Variants in TMTC2 observed in about 807,000 individuals in gnomAD.
TMTC2 encodes the protein transmembrane O-mannosyltransferase targeting cadherins 2.
A neutral mutation model predicts 82.4 loss-of-function variants in TMTC2; 43 were observed. That is an observed-to-expected ratio of 0.52 (90% CI 0.41 to 0.67). The LOEUF (loss-of-function observed/expected upper bound fraction) is 0.67, where lower values mean the gene tolerates loss of function less well. TMTC2 is among the 30% of genes least tolerant of loss of function. The pLI is 0.00. For synonymous variants in TMTC2, 408 were observed against 381.9 expected, an observed-to-expected ratio of 1.07 and a Z score of -0.80; for missense variants, 919 against 1,012.4, an observed-to-expected ratio of 0.91 and a Z score of 1.25.
intron 9 of TMTC2, among the ~76,000 whole-genome samples, chr12:83,040,710 G>T (rs1422345523): frequency 1.3e-5 from 2 of 148,428 alleles, no homozygotes; most frequent in South Asian, 2.1e-4. Context: ...TTTTGAGACG[G>T]AGTCTCGCTC....
At chr12:83,004,419 A>G (rs979597632) in intron 8 of TMTC2, among the ~76,000 whole-genome samples, 1 of 152,302 alleles carries the variant, frequency 6.6e-6, no homozygotes, top group Non-Finnish European at 1.5e-5. Context: ...ATTTCTGGGA[A>G]ACTAGTGAGA....
At chr12:82,828,287 C>G (rs1402882374) in intron 1 of TMTC2, among the ~76,000 whole-genome samples, 3 of 148,518 alleles carry the variant, frequency 2.0e-5, no homozygotes, top group Non-Finnish European at 4.4e-5. Context: ...GATCTCGGCT[C>G]ACTGCAACCT....
chr12:83,114,355 C>T (rs190851733), intron 11 of TMTC2, among the ~76,000 whole-genome samples: 33 of 152,284 alleles, frequency 2.2e-4, no homozygotes, highest in Admixed American at 1.1e-3. Flanking sequence ...AGAAGATCCT[C>T]ACCAAGAACC....
intron 4 of TMTC2, among the ~76,000 whole-genome samples, chr12:82,945,476 C>T (rs1168991826): frequency 6.6e-6 from 1 of 152,150 alleles, no homozygotes; most frequent in African/African-American, 2.4e-5. Flanking sequence ...TAATCACATC[C>T]TGTTTTAATG....
At chr12:83,115,816 G>A (rs1268228526) in intron 11 of TMTC2, among the ~76,000 whole-genome samples, 1 of 151,958 alleles carries the variant, frequency 6.6e-6, no homozygotes, top group African/African-American at 2.4e-5. Context: ...TTTGAGACAA[G>A]TCTCAGTGTT....
chr12:82,796,651 T>A (rs1159684293), intron 1 of TMTC2, among the ~76,000 whole-genome samples: 1 of 152,126 alleles, frequency 6.6e-6, no homozygotes, highest in Non-Finnish European at 1.5e-5. Flanking sequence ...TTGTTCTAAG[T>A]GACAGCCTCC....
intron 2 of TMTC2, among the ~76,000 whole-genome samples, chr12:82,870,021 A>G (rs1565785985): frequency 1.3e-5 from 2 of 152,284 alleles, no homozygotes; most frequent in South Asian, 2.1e-4. Context: ...AAATTAGTTT[A>G]TGGACATTTT....
chr12:82,951,316 G>T (rs1284578963), intron 4 of TMTC2, among the ~76,000 whole-genome samples: 2 of 151,528 alleles, frequency 1.3e-5, no homozygotes, highest in Non-Finnish European at 2.9e-5. Context: ...TTTTGAAATG[G>T]AGTCTCGCTC....
chr12:83,127,937 T>C (rs530277180), intron 11 of TMTC2, among the ~76,000 whole-genome samples: 2 of 152,296 alleles, frequency 1.3e-5, no homozygotes, highest in South Asian at 4.1e-4. Context: ...TATATCATTT[T>C]CTGTTTCAGT....
intron 7 of TMTC2, among the ~76,000 whole-genome samples, chr12:82,969,152 C>G (rs1317202517): frequency 6.6e-6 from 1 of 152,158 alleles, no homozygotes; most frequent in African/African-American, 2.4e-5. Context: ...AGGAGATAAG[C>G]TGCCCTATCA....
intron 1 of TMTC2, among the ~76,000 whole-genome samples, chr12:82,695,981 C>T (rs2136890378): frequency 6.6e-6 from 1 of 152,292 alleles, no homozygotes; most frequent in Middle Eastern, 3.4e-3. Context: ...TGTAAAATGT[C>T]TCAAGGTAAA....
rs147656531 is a variant in TMTC2 at position 82,999,473 on chromosome 12, C to G, written c.2070+13427C>G. 2.3e-3 allele frequency among the ~76,000 whole-genome samples: 357 copies of G among 152,232 alleles called. 3 individuals carry two copies. Among genetic ancestry groups the G allele is most frequent in the African/African-American group, 8.2e-3 (341 of 41,538 alleles). Reference sequence around the variant, plus strand: ...AGACACTCAGTGTATTCCGTTTTCACGCTGCTGATAAAGACACTCCCAAGA... The same window carrying G: ...AGACACTCAGTGTATTCCGTTTTCAGGCTGCTGATAAAGACACTCCCAAGA... On this transcript the variant is annotated intron_variant, in intron 8 of 11. Transcript: ENST00000321196.
At chr12:82,821,586 C>A (rs1869113249) in intron 1 of TMTC2, among the ~76,000 whole-genome samples, 1 of 151,998 alleles carries the variant, frequency 6.6e-6, no homozygotes, top group African/African-American at 2.4e-5. Context: ...TTACTGGATT[C>A]CTGCTATGTG....
chr12:83,129,783 A>G (rs776317452), intron 11 of TMTC2, among the ~76,000 whole-genome samples: 5 of 152,206 alleles, frequency 3.3e-5, no homozygotes, highest in Admixed American at 6.5e-5. Flanking sequence ...GTATTCTCAT[A>G]TGATATTTAC....
At chr12:82,964,800 A>G (rs1175833850) in intron 4 of TMTC2, among the ~76,000 whole-genome samples, 1 of 152,080 alleles carries the variant, frequency 6.6e-6, no homozygotes, top group East Asian at 1.9e-4. Flanking sequence ...TTTAGAAAAT[A>G]CCTCCTAATA....
chr12:83,039,593 T>C (rs1881811590), intron 9 of TMTC2, among the ~76,000 whole-genome samples: 1 of 152,164 alleles, frequency 6.6e-6, no homozygotes. Context: ...TGATTATGTT[T>C]ATTTTACAGA....
intron 2 of TMTC2, among the ~76,000 whole-genome samples, chr12:82,891,245 T>A (rs1199918122): frequency 1.3e-5 from 2 of 152,174 alleles, no homozygotes; most frequent in Non-Finnish European, 2.9e-5. Flanking sequence ...ACAAGAACAG[T>A]TGAGATGTTT....
intron 1 of TMTC2, among the ~76,000 whole-genome samples, chr12:82,699,917 A>G (rs1010708173): frequency 1.3e-5 from 2 of 152,194 alleles, no homozygotes; most frequent in Non-Finnish European, 2.9e-5. Flanking sequence ...TGTACTGAAC[A>G]TGTACAGATT....
intron 1 of TMTC2, among the ~76,000 whole-genome samples, chr12:82,754,628 T>C (rs2136971020): frequency 6.6e-6 from 1 of 152,186 alleles, no homozygotes; most frequent in Non-Finnish European, 1.5e-5. Flanking sequence ...TCCCAGCTAC[T>C]TAGGGGGCTG....
Sources: gnomAD v4.1 joint callset for allele counts (sites outside exome capture counted in the v4.1 genomes callset) on GRCh38, gnomAD v4.1.1 for gene constraint, MANE v1.5 for transcripts, NCBI Gene and HGNC (gene_info 2026-07-23, HGNC 2026-07-21) for gene names.